Variants in RUBCN observed in about 807,000 individuals in gnomAD.
The protein encoded by RUBCN is run domain Beclin-1-interacting and cysteine-rich domain-containing protein.
A neutral mutation model predicts 113.2 loss-of-function variants in RUBCN; 74 were observed. That is an observed-to-expected ratio of 0.65 (90% confidence interval 0.54 to 0.79). RUBCN has a LOEUF of 0.79. Among genes scored for constraint, RUBCN ranks in the 30% least tolerant of loss-of-function variants. RUBCN has a pLI of 0.00. For synonymous variants in RUBCN, 480 were observed against 490.0 expected (o/e 0.98, Z 0.27); for missense variants, 1,109 against 1,251.7 (o/e 0.89, Z 1.72).
chr3:197,693,183 T>TACCACCACC (rs777999574), intron 11 of RUBCN, among the ~76,000 whole-genome samples: 1 of 152,072 alleles, frequency 6.6e-6, no homozygotes, highest in Non-Finnish European at 1.5e-5. Flanking sequence ...CTGATACTCC[T>TACCACCACC]ACCACCACCA....
chr3:197,726,292 G>C lies in RUBCN; in HGVS notation c.66-8162C>G, dbSNP rs1344676693. On this transcript the variant is annotated intron_variant, in intron 1 of 19. Transcript: ENST00000296343. ...GACGGAGTCTCGCTCTGTCGCCCAG[G>C]CTGGAGTGCAGTGGCGTGATCTCGG... is the stretch of plus-strand genomic sequence containing the variant. Among the ~76,000 whole-genome samples, 5 of 151,962 alleles carry C rather than the reference G, an allele frequency of 3.3e-5. No individual in the cohort carries two copies. In the East Asian group the frequency reaches 9.6e-4, roughly 29 times the overall value.
exon 1 of RUBCN, chr3:197,749,651 G>A (rs1580435883): frequency 1.2e-6 from 1 of 853,478 alleles, no homozygotes; most frequent in Non-Finnish European, 1.8e-6. Context: ...AGATTCAGAG[G>A]TGCCCGCGGT....
In RUBCN at chr3:197,736,806, G is replaced by A; in HGVS notation, c.-87C>T. 6.9e-7 allele frequency: 1 copy of A among 1,453,814 alleles called. No homozygotes were observed. Among genetic ancestry groups the A allele is most frequent in the South Asian group, 1.4e-5 (1 of 72,848 alleles). The allele number at this position is 1,453,814 out of a possible 1,614,324, so 90.1% of individuals were successfully genotyped here. On this transcript the variant is annotated 5_prime_UTR_variant, in exon 1 of 20. Transcript: ENST00000296343. ...GCTCCCGGGGCCCCCTGGGGCCGGA[G>A]GAGGCACCTGCGGCCGGTGGGCTCC...
rs989956137 is a variant in RUBCN, at chr3:197,671,039, A to G, written c.*3979T>C. 1.3e-5 allele frequency among the ~76,000 whole-genome samples: 2 copies of G among 152,138 alleles called. No homozygotes were observed. The highest frequency in any genetic ancestry group is 4.8e-5 in the African/African-American group (2 of 41,408). On this transcript the variant is annotated 3_prime_UTR_variant, in exon 20 of 20. Coordinates refer to ENST00000296343, the MANE Select transcript of RUBCN (RefSeq NM_014687.4). The stretch of plus-strand genomic sequence containing the variant: ...TTGTTTTGTTTTGTTTTTTTGAGAC[A>G]GGGTCTCGCTCTTCATCCAGGATGG...
Position 197,746,594 on chromosome 3 carries a change from T to C in RUBCN, c.-116+2675A>G, listed in dbSNP as rs138009957. On this transcript the variant is annotated intron_variant, in intron 1 of 20. Coordinates refer to the RUBCN transcript ENST00000273582. ...CCTAAATATTACATGAAACTTACTGTAGTTAAAAAAAAATCACTGTTTATC... is the reference window on the plus strand; with the variant it reads ...CCTAAATATTACATGAAACTTACTGCAGTTAAAAAAAAATCACTGTTTATC... 7.9e-5 allele frequency among the ~76,000 whole-genome samples: 12 copies of C among 152,334 alleles called. No individual in the cohort carries two copies. The East Asian group carries it at 2.3e-3, about 29-fold the overall frequency.
intron 2 of RUBCN, among the ~76,000 whole-genome samples, chr3:197,708,792 T>C (rs1724616842): frequency 6.6e-6 from 1 of 152,192 alleles, no homozygotes; most frequent in African/African-American, 2.4e-5. Flanking sequence ...GTAATGATTA[T>C]GCACTTTGAG....
At chr3:197,730,870 A>G (rs1431230834) in intron 1 of RUBCN, among the ~76,000 whole-genome samples, 1 of 90,574 alleles carries the variant, frequency 1.1e-5, no homozygotes, top group Non-Finnish European at 2.4e-5. Flanking sequence ...TTTTTTTTTC[A>G]TATTTTAAAA....
rs1450123036 is a variant in RUBCN, at chr3:197,701,819, T to C, written c.616A>G (p.Ser206Gly). The C allele has an allele frequency of 5.0e-6, 8 of 1,614,080 alleles. No homozygotes were observed. The highest frequency in any genetic ancestry group is 6.8e-6 in the Non-Finnish European group (8 of 1,180,030). Reference protein sequence around the residue: ...ESPLLVTKSQSLTALPSSTYT... With the variant: ...ESPLLVTKSQGLTALPSSTYT... ...GTGGAACTGGGCAGGGCTGTCAGGC[T>C]CTGGCTCTTTGTCACCAGGAGCGGG... The change falls in exon 6 of 20, where the codon AGC (serine) becomes GGC (glycine). Residue 206 changes from serine to glycine, a missense_variant. Ser to Gly is a moderately conservative substitution (Grantham distance 56). Transcript: ENST00000296343.
chr3:197,721,709 A>G (rs947328846), intron 1 of RUBCN, among the ~76,000 whole-genome samples: 1 of 151,588 alleles, frequency 6.6e-6, no homozygotes, highest in Non-Finnish European at 1.5e-5. Context: ...CTACTTTTTG[A>G]TATAGATGTT....
chr3:197,704,600 G>C lies in RUBCN; in HGVS notation c.405C>G (p.Leu135=). The C allele has an allele frequency of 6.2e-7, 1 of 1,614,208 alleles. No homozygotes were observed. Among genetic ancestry groups the C allele is most frequent in the Non-Finnish European group, 8.5e-7 (1 of 1,180,014 alleles). Reference sequence around the variant, plus strand: ...CGAGCAGGGGCCGGAGCTGGGCTGAGAGGCAGTGGTACTGCAGGCTGTGCT... The same window carrying C: ...CGAGCAGGGGCCGGAGCTGGGCTGACAGGCAGTGGTACTGCAGGCTGTGCT... ...WLQHSLQYHC[L]SAQLRPLLGD... Residue 135 remains leucine (L), a synonymous_variant, in exon 4 of 20, where the codon CTC becomes CTG. Transcript: ENST00000296343.
chr3:197,700,197 G>GTT (rs978790296), intron 7 of RUBCN, among the ~76,000 whole-genome samples: 4 of 152,172 alleles, frequency 2.6e-5, no homozygotes, highest in African/African-American at 9.7e-5. Context: ...AGAAACCCCA[G>GTT]TATCTCTCTG....
At chr3:197,731,583 G>A (rs960771487) in intron 1 of RUBCN, among the ~76,000 whole-genome samples, 1 of 151,530 alleles carries the variant, frequency 6.6e-6, no homozygotes, top group Non-Finnish European at 1.5e-5. Context: ...GGGCAGAGGC[G>A]CCCCTCACCT....
At chr3:197,737,164 G>A (rs1728251387), upstream of RUBCN, 2 of 209,112 alleles carry the variant, frequency 9.6e-6, no homozygotes, top group Admixed American at 6.4e-5. Context: ...CTTGGTCTCA[G>A]GAATCCGTGC....
chr3:197,707,313 C>T (rs1285676923), intron 2 of RUBCN, among the ~76,000 whole-genome samples: 2 of 151,912 alleles, frequency 1.3e-5, no homozygotes, highest in Non-Finnish European at 2.9e-5. Context: ...GCCTGGGTGA[C>T]AGAGCGAGAC....
At chr3:197,704,490 G>A in intron 4 of RUBCN, 52 bp downstream of exon 4, 1 of 1,551,002 alleles carries the variant, frequency 6.4e-7, no homozygotes, top group Non-Finnish European at 8.9e-7. Context: ...GGATAGTGAG[G>A]TGGGTGACAA....
chr3:197,680,137 C>A (rs1721034731), intron 16 of RUBCN, among the ~76,000 whole-genome samples: 3 of 125,360 alleles, frequency 2.4e-5, no homozygotes, highest in Admixed American at 2.3e-4. Context: ...GTCCTACGCT[C>A]TGACAACTGG....
In RUBCN at chr3:197,705,026, T is replaced by C. The variant is rs1401153706; in HGVS notation, c.303+66A>G. The C allele has an allele frequency of 1.7e-5, 22 of 1,266,012 alleles. No individual in the cohort carries two copies. The Admixed American group carries it at 3.4e-4, about 19-fold the overall frequency. The allele number at this position is 1,266,012 out of a possible 1,614,324, so 78.4% of individuals were successfully genotyped here. On this transcript the variant is annotated intron_variant, in intron 3 of 19. Coordinates refer to ENST00000296343, the MANE Select transcript of RUBCN (RefSeq NM_014687.4). ...CTCCTTGGAGCCTAGAAGATTCTTC[T>C]GACAGAGCCTCAAACAGTGAAGACC... is the stretch of plus-strand genomic sequence containing the variant.
intron 7 of RUBCN, among the ~76,000 whole-genome samples, chr3:197,698,585 A>C (rs1580242940): frequency 6.6e-6 from 1 of 152,212 alleles, no homozygotes; most frequent in Non-Finnish European, 1.5e-5. Flanking sequence ...ACAAAAAAAC[A>C]AAAAACAAAA....
At position 197,702,649 on chromosome 3, in the gene RUBCN, CAAAGT is replaced by C. The variant is rs1472617257; in HGVS notation, c.571-790_571-786del. On this transcript the variant is annotated intron_variant, in intron 5 of 19. Transcript: ENST00000296343. ...CTGCATTCCAGCCCAGCCTGGACAA[CAAAGT>C]AAAGACTCTGTCTCAAAATAATAAT... is the stretch of plus-strand genomic sequence containing the variant. 2.0e-5 allele frequency among the ~76,000 whole-genome samples: 3 copies of C among 152,160 alleles called. No homozygotes were observed. The East Asian group carries it at 5.8e-4, about 29-fold the overall frequency.
Sources: allele counts gnomAD v4.1 joint callset (sites outside exome capture counted in the v4.1 genomes callset), GRCh38; gene constraint gnomAD v4.1.1; transcripts MANE v1.5; gene names NCBI Gene and HGNC (gene_info 2026-07-23, HGNC 2026-07-21).